TGFBR2: variants seen among roughly 807,000 people sequenced by gnomAD.
TGFBR2 encodes TGF-beta receptor type-2.
TGFBR2 carries 18 observed loss-of-function variants against 49.0 expected under a neutral mutation model. That is an observed-to-expected ratio of 0.37 (90% CI 0.25 to 0.54). The LOEUF (loss-of-function observed/expected upper bound fraction) is 0.54, where lower values mean the gene tolerates loss of function less well. Ranked by LOEUF, TGFBR2 falls within the 20% of genes least tolerant of loss-of-function variation. The probability of loss-of-function intolerance (pLI) is 0.85; values close to 1 mark genes in which losing one functional copy is unlikely to be tolerated. For synonymous variants in TGFBR2, 282 were observed against 275.9 expected (o/e 1.02, Z -0.22); for missense variants, 525 against 722.6 (o/e 0.73, Z 3.13).
rs374127951 is a variant in TGFBR2 at position 30,691,619 on chromosome 3, G to A, written c.*20G>A. 6.2e-7 allele frequency: 1 copy of A among 1,613,890 alleles called. No homozygotes were observed. The highest frequency in any genetic ancestry group is 8.5e-7 in the Non-Finnish European group (1 of 1,179,874). ...AAATAGCTCTTCTGGGGCAGGCTGG[G>A]CCATGTCCAAAGAGGCTGCCCCTCT... On this transcript the variant is annotated 3_prime_UTR_variant, in exon 7 of 7. Transcript: ENST00000295754.
chr3:30,667,999 C>A (rs1280031171), intron 3 of TGFBR2, among the ~76,000 whole-genome samples: 1 of 152,086 alleles, frequency 6.6e-6, no homozygotes, highest in East Asian at 1.9e-4. Flanking sequence ...CAGATAAGAT[C>A]TCTGTTGCAT....
Position 30,693,199 on chromosome 3 carries a change from G to A in TGFBR2, c.*1600G>A, listed in dbSNP as rs1328517121. The A allele has an allele frequency of 1.3e-5, 3 of 233,404 alleles. No individual in the cohort carries two copies. The Admixed American group carries it at 1.7e-4, about 13-fold the overall frequency. 14.5% of individuals were successfully genotyped at this position (233,404 alleles called of 1,614,324 possible). Reference sequence around the variant, plus strand: ...GTTTTACCCTCTGCATTGGAGAGAGGAGTGCTTTACTCCAAGAAGCTTTCC... The same window carrying A: ...GTTTTACCCTCTGCATTGGAGAGAGAAGTGCTTTACTCCAAGAAGCTTTCC... On this transcript the variant is annotated 3_prime_UTR_variant, in exon 7 of 7. Coordinates refer to ENST00000295754, the MANE Select transcript of TGFBR2 (RefSeq NM_003242.6).
intron 1 of TGFBR2, among the ~76,000 whole-genome samples, chr3:30,607,963 A>T (rs1318225282): frequency 6.7e-6 from 1 of 148,730 alleles, no homozygotes; most frequent in East Asian, 2.0e-4. Flanking sequence ...TTTTTTGGAG[A>T]CGGAGTCTCG....
chr3:30,660,729 C>G (rs1349911560), intron 3 of TGFBR2, among the ~76,000 whole-genome samples: 1 of 152,190 alleles, frequency 6.6e-6, no homozygotes, highest in African/African-American at 2.4e-5. Flanking sequence ...TGCTTTGGAA[C>G]AAGGTCAACG....
intron 1 of TGFBR2, among the ~76,000 whole-genome samples, chr3:30,643,426 G>A (rs1698678180): frequency 6.6e-6 from 1 of 152,218 alleles, no homozygotes; most frequent in Non-Finnish European, 1.5e-5. Context: ...ATCTCATTGA[G>A]GAAGAAAATG....
chr3:30,651,414 C>G (rs1449181514), intron 3 of TGFBR2, among the ~76,000 whole-genome samples: 1 of 152,130 alleles, frequency 6.6e-6, no homozygotes, highest in East Asian at 1.9e-4. Context: ...ATCCATCTGT[C>G]CATCCTTCCA....
At position 30,693,848 on chromosome 3, in the gene TGFBR2, C is replaced by A; in HGVS notation, c.*2249C>A. The A allele has an allele frequency of 1.4e-5, 3 of 216,468 alleles. No individual in the cohort carries two copies. Among genetic ancestry groups the A allele is most frequent in the African/African-American group, 4.7e-5 (2 of 42,730 alleles). The allele number at this position is 216,468 out of a possible 1,614,324, so 13.4% of individuals were successfully genotyped here. A position where few individuals can be genotyped will look rare whatever the true frequency, so the allele number is the denominator to read the frequency against. On this transcript the variant is annotated 3_prime_UTR_variant, in exon 7 of 7. Transcript: ENST00000295754. Reference sequence around the variant, plus strand: ...GCTTGTTTTGTTTATGTTTTTTTTTCTTATTCAAGAAAAAAGACCAAGGAA... The same window carrying A: ...GCTTGTTTTGTTTATGTTTTTTTTTATTATTCAAGAAAAAAGACCAAGGAA...
intron 3 of TGFBR2, among the ~76,000 whole-genome samples, chr3:30,667,753 A>T (rs2125429095): frequency 6.6e-6 from 1 of 152,344 alleles, no homozygotes; most frequent in African/African-American, 2.4e-5. Context: ...TCAACATTTC[A>T]TCTGGACGTT....
chr3:30,620,496 T>C (rs1698209647), intron 1 of TGFBR2, among the ~76,000 whole-genome samples: 1 of 152,036 alleles, frequency 6.6e-6, no homozygotes, highest in Non-Finnish European at 1.5e-5. Flanking sequence ...TATGATCTGC[T>C]TTGTGTAAAT....
chr3:30,648,020 T>C (rs193094583), intron 2 of TGFBR2, among the ~76,000 whole-genome samples: 1 of 152,264 alleles, frequency 6.6e-6, no homozygotes, highest in East Asian at 1.9e-4. Context: ...TCAGTGGAAA[T>C]TGACAACCTC....
chr3:30,674,239 A>C lies in TGFBR2; in HGVS notation c.1389A>C (p.Ala463=), dbSNP rs201484143. ...GGGAAATGACATCTCGCTGTAATGC[A>C]GTGGGAGGTAGGTGTGGACCAGCAT... ...VLWEMTSRCN[A]VGEVKDYEPP... is the part of the protein sequence containing the mutation. The change falls in exon 5 of 7, where the codon GCA becomes GCC. Residue 463 remains alanine (A), a synonymous_variant. Coordinates refer to ENST00000295754, the MANE Select transcript of TGFBR2 (RefSeq NM_003242.6). 6.2e-7 allele frequency: 1 copy of C among 1,614,146 alleles called. No individual in the cohort carries two copies. Among genetic ancestry groups the C allele is most frequent in the Admixed American group, 1.7e-5 (1 of 60,024 alleles).
intron 3 of TGFBR2, among the ~76,000 whole-genome samples, chr3:30,663,309 C>T (rs1051736817): frequency 2.6e-5 from 4 of 152,042 alleles, no homozygotes; most frequent in East Asian, 3.9e-4. Flanking sequence ...TGTTTAAATT[C>T]GGAATCCAGT....
intron 1 of TGFBR2, among the ~76,000 whole-genome samples, chr3:30,635,749 T>C (rs1330122957): frequency 6.6e-6 from 1 of 152,192 alleles, no homozygotes; most frequent in Non-Finnish European, 1.5e-5. Context: ...TAAATACAAA[T>C]TTATGTTTAT....
chr3:30,647,468 G>T (rs754542343), intron 2 of TGFBR2, among the ~76,000 whole-genome samples: 2 of 152,086 alleles, frequency 1.3e-5, no homozygotes, highest in Non-Finnish European at 2.9e-5. Context: ...AAGACAGGAG[G>T]CTATTGTAAA....
intron 3 of TGFBR2, among the ~76,000 whole-genome samples, chr3:30,654,962 G>C (rs1698967341): frequency 6.6e-6 from 1 of 152,170 alleles, no homozygotes; most frequent in Non-Finnish European, 1.5e-5. Context: ...AAACGGTCTA[G>C]TGTAATACTC....
intron 1 of TGFBR2, among the ~76,000 whole-genome samples, chr3:30,624,653 A>G (rs1698300259): frequency 6.6e-6 from 1 of 152,142 alleles, no homozygotes; most frequent in Non-Finnish European, 1.5e-5. Flanking sequence ...ATTAGCAGAA[A>G]CTATTTCACT....
In TGFBR2 at chr3:30,636,155, ATGTGTGTGTG is replaced by A. The variant is rs61296907; in HGVS notation, c.95-8556_95-8547del. 8.1e-3 allele frequency among the ~76,000 whole-genome samples: 1,089 copies of A among 134,714 alleles called. 16 individuals carry two copies. The highest frequency in any genetic ancestry group is 0.024 in the African/African-American group (863 of 35,824). 88.4% of individuals were successfully genotyped at this position (134,714 alleles called of 152,430 possible). ...AGTTTCAGTGTGAAAATATATATGTATGTGTGTGTGTGTGTGTGTGTGTGTGTGTGTGTGT... is the reference window on the plus strand; with the variant it reads ...AGTTTCAGTGTGAAAATATATATGTATGTGTGTGTGTGTGTGTGTGTGTGT... On this transcript the variant is annotated intron_variant, in intron 1 of 6. Coordinates refer to ENST00000295754, the MANE Select transcript of TGFBR2 (RefSeq NM_003242.6).
chr3:30,638,380 T>C (rs1396555691), intron 1 of TGFBR2, among the ~76,000 whole-genome samples: 1 of 152,154 alleles, frequency 6.6e-6, no homozygotes, highest in Non-Finnish European at 1.5e-5. Context: ...AGAAGGAGAA[T>C]TGATGCCTTC....
At chr3:30,691,291 C>T in intron 6 of TGFBR2, 129 bp from the exon 7 acceptor site, 1 of 995,302 alleles carries the variant, frequency 1.0e-6, no homozygotes. Flanking sequence ...ACTCAGTCAG[C>T]ACATGTTAAA....
Sources: allele counts gnomAD v4.1 joint callset (sites outside exome capture counted in the v4.1 genomes callset), GRCh38; gene constraint gnomAD v4.1.1; transcripts MANE v1.5; gene names NCBI Gene and HGNC (gene_info 2026-07-23, HGNC 2026-07-21).